RBMS3: variants seen among roughly 807,000 people sequenced by gnomAD.
RBMS3 encodes the protein RNA-binding motif, single-stranded-interacting protein 3.
RBMS3 carries 27 observed loss-of-function variants against 66.8 expected under a neutral mutation model. That is an observed-to-expected ratio of 0.40 (90% CI 0.30 to 0.56). RBMS3 has a LOEUF of 0.56. Ranked by LOEUF, RBMS3 falls within the 20% of genes least tolerant of loss-of-function variation. The pLI is 0.40. For missense variants in RBMS3, 513 were observed against 549.5 expected, an observed-to-expected ratio of 0.93 and a Z score of 0.66; for synonymous variants, 188 against 183.0, an observed-to-expected ratio of 1.03 and a Z score of -0.22.
chr3:29,837,665 TATATA>T (rs1264814197), intron 6 of RBMS3, among the ~76,000 whole-genome samples: 1 of 16,714 alleles, frequency 6.0e-5, no homozygotes, highest in African/African-American at 3.1e-4. Flanking sequence ...ATAATGAACA[TATATA>T]TATATATATA....
chr3:29,735,276 C>A (rs932482790), intron 4 of RBMS3, among the ~76,000 whole-genome samples: 1 of 152,082 alleles, frequency 6.6e-6, no homozygotes, highest in African/African-American at 2.4e-5. Context: ...CATACATACA[C>A]TAAAAACCTG....
chr3:29,801,224 G>T (rs1388246394), intron 6 of RBMS3, among the ~76,000 whole-genome samples: 6 of 150,640 alleles, frequency 4.0e-5, no homozygotes. Flanking sequence ...CTCCATTGTG[G>T]TTTAACTATG....
rs891301167 is a variant in RBMS3, at chr3:29,869,093, A to G, written c.744+129A>G. ...AACACCCAATGTCTTCAAAGGGGCA[A>G]ATGAGCAGACCCATGTTAATGTGTT... On this transcript the variant is annotated intron_variant, in intron 7 of 14. Transcript: ENST00000383767. 1.9e-5 allele frequency: 13 copies of G among 683,336 alleles called. No homozygotes were observed. The African/African-American group carries it at 2.4e-4, about 12-fold the overall frequency. 42.3% of individuals were successfully genotyped at this position (683,336 alleles called of 1,614,324 possible). A position where few individuals can be genotyped will look rare whatever the true frequency, so the allele number is the denominator to read the frequency against.
intron 3 of RBMS3, among the ~76,000 whole-genome samples, chr3:29,584,496 C>A (rs190372653): frequency 2.6e-4 from 40 of 152,144 alleles, no homozygotes; most frequent in African/African-American, 9.6e-4. Context: ...TATCCAGCTG[C>A]GATTTGACAT....
At chr3:29,702,482 G>A (rs555326873) in intron 4 of RBMS3, among the ~76,000 whole-genome samples, 9 of 152,266 alleles carry the variant, frequency 5.9e-5, no homozygotes, top group East Asian at 3.9e-4. Flanking sequence ...GCAACCCGCC[G>A]GGGTCCTCTT....
intron 3 of RBMS3, among the ~76,000 whole-genome samples, chr3:29,585,694 C>G (rs60773525): frequency 0.013 from 1,990 of 152,188 alleles, 32 homozygotes; most frequent in African/African-American, 0.046. Context: ...CTATTACTTC[C>G]ACTTTTTTTT....
chr3:29,671,985 C>A (rs1367052929), intron 4 of RBMS3, among the ~76,000 whole-genome samples: 1 of 152,102 alleles, frequency 6.6e-6, no homozygotes, highest in African/African-American at 2.4e-5. Flanking sequence ...ACATAATTGT[C>A]AGATTCACAA....
intron 6 of RBMS3, among the ~76,000 whole-genome samples, chr3:29,779,521 G>T (rs780903765): frequency 6.6e-6 from 1 of 150,952 alleles, no homozygotes; most frequent in Non-Finnish European, 1.5e-5. Context: ...AAAGTGTCTT[G>T]CTATCAGTAT....
At chr3:29,329,686 A>C (rs747105721) in intron 1 of RBMS3, among the ~76,000 whole-genome samples, 1 of 151,824 alleles carries the variant, frequency 6.6e-6, no homozygotes, top group Non-Finnish European at 1.5e-5. Context: ...CCATGCATTG[A>C]GTCAAGCTTA....
intron 2 of RBMS3, among the ~76,000 whole-genome samples, chr3:29,488,024 A>C (rs769275047): frequency 6.6e-6 from 1 of 152,212 alleles, no homozygotes; most frequent in African/African-American, 2.4e-5. Context: ...TTTGCAGATG[A>C]AGAAACTGTG....
At chr3:29,352,987 G>A (rs56121353) in intron 1 of RBMS3, among the ~76,000 whole-genome samples, 32,400 of 150,608 alleles carry the variant, frequency 0.22, 4,001 homozygotes, top group African/African-American at 0.34. Flanking sequence ...GTTTTTGCTT[G>A]CTATTGAAAA....
intron 4 of RBMS3, among the ~76,000 whole-genome samples, chr3:29,603,202 G>A (rs1169797954): frequency 6.6e-6 from 1 of 151,948 alleles, no homozygotes; most frequent in Non-Finnish European, 1.5e-5. Flanking sequence ...AACTCCATGT[G>A]GTAGTCGTTA....
chr3:29,453,606 G>A (rs755210755), intron 2 of RBMS3, among the ~76,000 whole-genome samples: 9 of 152,262 alleles, frequency 5.9e-5, no homozygotes, highest in Admixed American at 1.3e-4. Flanking sequence ...GGCAAGGGTC[G>A]TCTCCAGCAG....
chr3:29,466,559 A>T (rs1037594059), intron 2 of RBMS3, among the ~76,000 whole-genome samples: 1 of 152,176 alleles, frequency 6.6e-6, no homozygotes, highest in African/African-American at 2.4e-5. Context: ...CAAACACTGA[A>T]GAAACAGAGT....
chr3:29,618,601 G>A (rs2048753424), intron 4 of RBMS3, among the ~76,000 whole-genome samples: 1 of 151,950 alleles, frequency 6.6e-6, no homozygotes. Context: ...GTGGGGATAG[G>A]TAATGGTATA....
chr3:29,327,288 T>C (rs1023143315), intron 1 of RBMS3, among the ~76,000 whole-genome samples: 1 of 152,212 alleles, frequency 6.6e-6, no homozygotes, highest in Non-Finnish European at 1.5e-5. Context: ...ATTAAGGCAA[T>C]ATGCTACTAA....
intron 1 of RBMS3, among the ~76,000 whole-genome samples, chr3:29,304,810 A>G (rs1210173018): frequency 2.0e-5 from 3 of 151,902 alleles, no homozygotes. Flanking sequence ...GTTCATAGCC[A>G]TCTTCCTCCT....
intron 1 of RBMS3, among the ~76,000 whole-genome samples, chr3:29,302,648 A>G (rs769312652): frequency 9.9e-5 from 15 of 152,076 alleles, no homozygotes; most frequent in Non-Finnish European, 1.5e-4. Flanking sequence ...AAATATATCT[A>G]AAGGAAGACT....
chr3:29,723,621 ATTCCATTAT>A (rs1388584777), intron 4 of RBMS3, among the ~76,000 whole-genome samples: 12 of 152,136 alleles, frequency 7.9e-5, no homozygotes, highest in African/African-American at 2.7e-4. Flanking sequence ...TTGTTGTCCT[ATTCCATTAT>A]TAGGATAATC....
Sources: gnomAD v4.1 joint callset for allele counts (sites outside exome capture counted in the v4.1 genomes callset) on GRCh38, gnomAD v4.1.1 for gene constraint, MANE v1.5 for transcripts, NCBI Gene and HGNC (gene_info 2026-07-23, HGNC 2026-07-21) for gene names.